The following CDC5L variants were observed in gnomAD, a reference collection of about 807,000 sequenced individuals.
CDC5L encodes the protein cell division cycle 5-like protein.
CDC5L carries 18 observed loss-of-function variants against 104.1 expected under a neutral mutation model. The ratio of observed to expected loss-of-function variants is 0.17; its 90% CI spans 0.12 to 0.26. The LOEUF is 0.26. CDC5L is among the 10% of genes least tolerant of loss of function. CDC5L has a pLI of 1.00. For missense variants in CDC5L, 673 were observed against 956.9 expected (o/e 0.70, Z 3.91); for synonymous variants, 331 against 322.7 (o/e 1.03, Z -0.28).
intron 8 of CDC5L, among the ~76,000 whole-genome samples, chr6:44,411,637 A>AGTGTGTGTGTGTGTGT (rs55826820): frequency 0.019 from 2,325 of 123,610 alleles, 63 homozygotes; most frequent in African/African-American, 0.05. Context: ...AGAGAGAGAG[A>AGTGTGTGTGTGTGTGT]GTGTGTGTGT....
chr6:44,436,185 C>G (rs1016814141), intron 14 of CDC5L, among the ~76,000 whole-genome samples: 1 of 152,172 alleles, frequency 6.6e-6, no homozygotes, highest in Non-Finnish European at 1.5e-5. Context: ...GAATTCTCCT[C>G]CCATGTGTCT....
chr6:44,420,101 A>G (rs1792093732), intron 9 of CDC5L, among the ~76,000 whole-genome samples: 1 of 152,166 alleles, frequency 6.6e-6, no homozygotes, highest in Admixed American at 6.5e-5. Flanking sequence ...CCAGCATTTT[A>G]TTATGAAAAT....
intron 8 of CDC5L, among the ~76,000 whole-genome samples, chr6:44,408,909 T>C (rs1040353503): frequency 2.7e-5 from 4 of 149,216 alleles, no homozygotes; most frequent in Non-Finnish European, 6.0e-5. Context: ...AAGCATAGTT[T>C]TGTAAAATTT....
At chr6:44,434,651 T>G (rs187457743) in intron 14 of CDC5L, among the ~76,000 whole-genome samples, 2 of 152,352 alleles carry the variant, frequency 1.3e-5, no homozygotes, top group East Asian at 3.9e-4. Context: ...AGCAAGAGTT[T>G]CAGTGAGGGG....
chr6:44,446,565 A>G (rs1026628346), intron 15 of CDC5L, 42 bp from the exon 16 acceptor site: 1 of 913,932 alleles, frequency 1.1e-6, no homozygotes, highest in African/African-American at 1.7e-5. Context: ...TTTTTTCAGT[A>G]TAGTTACATC....
At chr6:44,392,037 GTTCTGATT>G (rs1790648184) in intron 2 of CDC5L, among the ~76,000 whole-genome samples, 6 of 152,080 alleles carry the variant, frequency 3.9e-5, no homozygotes, top group Admixed American at 3.9e-4. Context: ...TGAAGAAGTC[GTTCTGATT>G]TCTGTTTGTC....
intron 9 of CDC5L, among the ~76,000 whole-genome samples, chr6:44,421,562 C>T (rs915799256): frequency 6.6e-6 from 1 of 152,206 alleles, no homozygotes; most frequent in South Asian, 2.1e-4. Context: ...CATAATCCCT[C>T]ATTTCCTATG....
chr6:44,411,643 T>A (rs1216793667), intron 8 of CDC5L, among the ~76,000 whole-genome samples: 2 of 128,298 alleles, frequency 1.6e-5, no homozygotes, highest in African/African-American at 5.5e-5. Context: ...AGAGAGTGTG[T>A]GTGTGTGTGT....
At position 44,440,407 on chromosome 6, in the gene CDC5L, A is replaced by G. The variant is rs532229891; in HGVS notation, c.2092-5248A>G. Among the ~76,000 whole-genome samples, 14 of 151,608 alleles carry G rather than the reference A, an allele frequency of 9.2e-5. 1 individual carries two copies. The South Asian group carries it at 2.9e-3, about 32-fold the overall frequency. ...CAGGTATGCACCACCATGCCTGGCT[A>G]AATTTTGTATTTTTAGTAGAGATGG... On this transcript the variant is annotated intron_variant, in intron 14 of 15. Coordinates refer to ENST00000371477, the MANE Select transcript of CDC5L (RefSeq NM_001253.4).
chr6:44,417,201 T>G (rs1019836067), intron 8 of CDC5L, among the ~76,000 whole-genome samples: 1 of 152,038 alleles, frequency 6.6e-6, no homozygotes, highest in Non-Finnish European at 1.5e-5. Flanking sequence ...ATAGAGTCAT[T>G]TGGAGGTGTT....
chr6:44,401,039 A>C (rs1452900125), intron 5 of CDC5L, among the ~76,000 whole-genome samples: 2 of 152,180 alleles, frequency 1.3e-5, no homozygotes, highest in Non-Finnish European at 2.9e-5. Flanking sequence ...TGGTATCTCC[A>C]TTAAGTCTGT....
chr6:44,442,714 T>C (rs558161981), intron 14 of CDC5L, among the ~76,000 whole-genome samples: 58 of 152,308 alleles, frequency 3.8e-4, no homozygotes, highest in Admixed American at 1.9e-3. Flanking sequence ...ACTAGAGATA[T>C]AATTGATTTA....
chr6:44,388,672 C>CT (rs1308393592), intron 1 of CDC5L, among the ~76,000 whole-genome samples: 8 of 140,428 alleles, frequency 5.7e-5, no homozygotes, highest in African/African-American at 1.9e-4. Flanking sequence ...CATTTTATGG[C>CT]TTCTTTTTTT....
chr6:44,445,565 C>A, intron 14 of CDC5L, 90 bp from the exon 15 acceptor site: 1 of 804,966 alleles, frequency 1.2e-6, no homozygotes, highest in Non-Finnish European at 2.0e-6. Context: ...CTTTGAGACA[C>A]ATACATGAAC....
intron 5 of CDC5L, among the ~76,000 whole-genome samples, chr6:44,401,595 G>GC (rs1791127991): frequency 6.6e-6 from 1 of 152,004 alleles, no homozygotes; most frequent in Non-Finnish European, 1.5e-5. Flanking sequence ...GAGCTGGGGG[G>GC]AAGGAGGGAG....
At chr6:44,401,087 ACT>A (rs1380063465) in intron 5 of CDC5L, among the ~76,000 whole-genome samples, 1 of 152,030 alleles carries the variant, frequency 6.6e-6, no homozygotes, top group Non-Finnish European at 1.5e-5. Flanking sequence ...CAGAACTTCC[ACT>A]GTTTTTGATA....
chr6:44,422,380 A>G (rs1370169047), intron 9 of CDC5L, among the ~76,000 whole-genome samples: 2 of 152,198 alleles, frequency 1.3e-5, no homozygotes, highest in Admixed American at 6.5e-5. Context: ...AAAGGTTGAA[A>G]TAATGTTTAG....
intron 8 of CDC5L, among the ~76,000 whole-genome samples, chr6:44,413,265 T>C (rs1323346595): frequency 6.6e-6 from 1 of 152,248 alleles, no homozygotes; most frequent in Non-Finnish European, 1.5e-5. Flanking sequence ...TGTGACTGGC[T>C]TTTTTCACTT....
At chr6:44,421,577 G>A (rs571571014) in intron 9 of CDC5L, among the ~76,000 whole-genome samples, 1 of 152,134 alleles carries the variant, frequency 6.6e-6, no homozygotes. Context: ...CCTATGTTTA[G>A]TCGGCTCTCT....
Sources: gnomAD v4.1 joint callset for allele counts (sites outside exome capture counted in the v4.1 genomes callset) on GRCh38, gnomAD v4.1.1 for gene constraint, MANE v1.5 for transcripts, NCBI Gene and HGNC (gene_info 2026-07-23, HGNC 2026-07-21) for gene names.